CKLF: variants seen among roughly 807,000 people sequenced by gnomAD.
CKLF encodes the protein chemokine like factor.
A neutral mutation model predicts 12.9 loss-of-function variants in CKLF; 16 were observed. That is an observed-to-expected ratio of 1.24 (90% CI 0.84 to 1.88). The LOEUF (loss-of-function observed/expected upper bound fraction) is 1.88. Ranked by LOEUF, CKLF falls within the 40% of genes most tolerant of loss-of-function variation. CKLF has a pLI of 0.00. For synonymous variants in CKLF, 61 were observed against 69.0 expected (o/e 0.88, Z 0.57); for missense variants, 172 against 188.5 (o/e 0.91, Z 0.51).
In CKLF at chr16:66,558,217, T is replaced by C. The variant is rs747643263; in HGVS notation, c.106T>C (p.Phe36Leu). 3 of 1,612,488 alleles carry C rather than the reference T, an allele frequency of 1.9e-6. No individual in the cohort carries two copies. The highest frequency in any genetic ancestry group is 2.2e-5 in the East Asian group (1 of 44,886). ...LALTVTSMTF[F>L]IIAQAPEPYI... ...ACTAACTGTGACATCTATGACCTTT[T>C]TTATCATCGCACAAGCCCCTGAACC... The change falls in exon 2 of 4, where the codon TTT (phenylalanine) becomes CTT (leucine). Residue 36 changes from phenylalanine (F) to leucine (L), a missense_variant. Phe to Leu is a conservative substitution (Grantham distance 22). Transcript: ENST00000264001.
chr16:66,563,623 C>T (rs1042598806), intron 3 of CKLF, among the ~76,000 whole-genome samples: 1 of 152,150 alleles, frequency 6.6e-6, no homozygotes, highest in Non-Finnish European at 1.5e-5. Context: ...ATGAGACAGA[C>T]TGTTTTGAGC....
chr16:66,558,897 C>CAT (rs745368547), intron 2 of CKLF, among the ~76,000 whole-genome samples: 38 of 152,204 alleles, frequency 2.5e-4, no homozygotes, highest in Non-Finnish European at 4.1e-4. Context: ...CTGCCATACT[C>CAT]ATATAATTAG....
intron 1 of CKLF, 25 bp downstream of exon 1, chr16:66,552,818 G>A: frequency 6.2e-7 from 1 of 1,613,824 alleles, no homozygotes; most frequent in Non-Finnish European, 8.5e-7. Flanking sequence ...CGGAGGGCGG[G>A]AGGCTGATGA....
chr16:66,554,582 C>T (rs930996044), intron 1 of CKLF, among the ~76,000 whole-genome samples: 1 of 152,192 alleles, frequency 6.6e-6, no homozygotes, highest in Non-Finnish European at 1.5e-5. Flanking sequence ...GCAGGGGAAG[C>T]AAACACAATA....
chr16:66,552,659 C>G lies in CKLF; in HGVS notation c.-57C>G. 1.2e-6 allele frequency: 2 copies of G among 1,613,086 alleles called. No homozygotes were observed. Among genetic ancestry groups the G allele is most frequent in the South Asian group, 1.1e-5 (1 of 91,054 alleles). ...TTGCTATCGCTTCGCAGAACCTACT[C>G]AGGCAGCCAGCTGAGAAGAGTTGAG... On this transcript the variant is annotated 5_prime_UTR_variant, in exon 1 of 4. Coordinates refer to ENST00000264001, the MANE Select transcript of CKLF (RefSeq NM_016951.4).
Position 66,558,337 on chromosome 16 carries a change from T to C in CKLF, c.226T>C (p.Trp76Arg). The C allele has an allele frequency of 6.2e-7, 1 of 1,604,742 alleles. No homozygotes were observed. The part of the protein sequence containing the change: ...RLDRLMKWLF[W>R]PLLDIINSLV... Reference sequence around the variant, plus strand: ...TGATCGATTAATGAAGTGGTTATTTTGGCCTTTGCTTGTAAGTGTTCAGTT... The same window carrying C: ...TGATCGATTAATGAAGTGGTTATTTCGGCCTTTGCTTGTAAGTGTTCAGTT... Residue 76 changes from tryptophan to arginine, a missense_variant, in exon 2 of 4, where the codon TGG becomes CGG. Physicochemically the swap from Trp to Arg is moderately radical, Grantham distance 101. Transcript: ENST00000264001.
chr16:66,560,798 T>TACACACACACAC (rs58084691), intron 2 of CKLF, among the ~76,000 whole-genome samples: 114 of 143,758 alleles, frequency 7.9e-4, no homozygotes, highest in African/African-American at 2.0e-3. Context: ...AAGATAAGTA[T>TACACACACACAC]ACACACACAC....
In CKLF at chr16:66,558,301, G is replaced by A. The variant is rs2144533162; in HGVS notation, c.190G>A (p.Val64Ile). ...TVILFFILLY[V>I]LRLDRLMKWL... ...TATCTTATTTTTCATACTTTTATATGTACTCAGACTTGATCGATTAATGAA... is the reference window on the plus strand; with the variant it reads ...TATCTTATTTTTCATACTTTTATATATACTCAGACTTGATCGATTAATGAA... The change falls in exon 2 of 4, where the codon GTA (valine) becomes ATA (isoleucine). Residue 64 changes from valine to isoleucine, a missense_variant. By Grantham distance (29) the Val-to-Ile change is conservative. Coordinates refer to ENST00000264001, the MANE Select transcript of CKLF (RefSeq NM_016951.4). The A allele has an allele frequency of 6.2e-7, 1 of 1,613,476 alleles. No homozygotes were observed. The highest frequency in any genetic ancestry group is 2.2e-5 in the East Asian group (1 of 44,854).
chr16:66,558,835 A>G (rs751273719), intron 2 of CKLF, among the ~76,000 whole-genome samples: 24 of 152,208 alleles, frequency 1.6e-4, no homozygotes, highest in Non-Finnish European at 2.9e-4. Flanking sequence ...ATCTGTAGTT[A>G]TTACTAAATA....
At chr16:66,553,309 A>C in intron 1 of CKLF, 1 of 150,062 alleles carries the variant, frequency 6.7e-6, no homozygotes, top group South Asian at 2.1e-4. Context: ...ATTTGAAAGA[A>C]AAAAAAAAAA....
rs1453679624 is a variant in CKLF, at chr16:66,552,585, C to G, written c.-131C>G. 1.0e-5 allele frequency: 15 copies of G among 1,438,276 alleles called. No individual in the cohort carries two copies. Among genetic ancestry groups the G allele is most frequent in the Non-Finnish European group, 1.3e-5 (14 of 1,043,608 alleles). 89.1% of individuals were successfully genotyped at this position (1,438,276 alleles called of 1,614,324 possible). A position where few individuals can be genotyped will look rare whatever the true frequency, so the allele number is the denominator to read the frequency against. On this transcript the variant is annotated 5_prime_UTR_variant, in exon 1 of 4. Transcript: ENST00000264001. ...CGCATGCGCGCAAGAGAGCGGGAAG[C>G]CGAGCTGGGCGAGAAGTAGGGGAGG...
intron 2 of CKLF, among the ~76,000 whole-genome samples, chr16:66,561,923 A>C (rs2011750864): frequency 6.6e-6 from 1 of 152,186 alleles, no homozygotes; most frequent in Admixed American, 6.5e-5. Context: ...TTGACATCAC[A>C]GTTAAGAATG....
At chr16:66,563,003 A>T in intron 2 of CKLF, 119 bp from the exon 3 acceptor site, 1 of 1,091,202 alleles carries the variant, frequency 9.2e-7, no homozygotes, top group Non-Finnish European at 1.4e-6. Context: ...GGCGGGAGCC[A>T]GTGCATTCTG....
At chr16:66,559,873 AATT>A (rs2011602442) in intron 2 of CKLF, among the ~76,000 whole-genome samples, 1 of 152,202 alleles carries the variant, frequency 6.6e-6, no homozygotes, top group East Asian at 1.9e-4. Flanking sequence ...GATCTAATGA[AATT>A]ATTTATTCAG....
rs186389046 is a variant in CKLF at position 66,555,284 on chromosome 16, A to G, written c.78+2491A>G. On this transcript the variant is annotated intron_variant, in intron 1 of 3. Transcript: ENST00000264001. ...GCTGCTATGTTAACAGTAGATTGGT[A>G]GGGAAGGACAGAAGGGGATTGCTGC... Among the ~76,000 whole-genome samples, 1,375 of 152,318 alleles carry G rather than the reference A, an allele frequency of 9.0e-3. 8 individuals are homozygous for G. Among genetic ancestry groups the G allele is most frequent in the Non-Finnish European group, 0.014 (927 of 68,022 alleles).
chr16:66,559,887 C>T (rs2144539467), intron 2 of CKLF, among the ~76,000 whole-genome samples: 1 of 152,262 alleles, frequency 6.6e-6, no homozygotes, highest in East Asian at 1.9e-4. Context: ...ATTTATTCAG[C>T]AAATGTTAAG....
chr16:66,555,118 T>C (rs1390476044), intron 1 of CKLF, among the ~76,000 whole-genome samples: 1 of 152,062 alleles, frequency 6.6e-6, no homozygotes, highest in Non-Finnish European at 1.5e-5. Flanking sequence ...ATGCCTGTAA[T>C]CTCAGCTACT....
intron 1 of CKLF, among the ~76,000 whole-genome samples, chr16:66,553,902 T>C (rs906122766): frequency 6.6e-6 from 1 of 152,192 alleles, no homozygotes; most frequent in Non-Finnish European, 1.5e-5. Flanking sequence ...TTGTGAGAAG[T>C]AGCTTTCATA....
chr16:66,563,055 T>G, intron 2 of CKLF, 67 bp from the exon 3 acceptor site: 1 of 1,594,158 alleles, frequency 6.3e-7, no homozygotes, highest in Non-Finnish European at 8.6e-7. Context: ...TTTTTGTTTT[T>G]TGTTTTTCCT....
Sources: allele counts gnomAD v4.1 joint callset (sites outside exome capture counted in the v4.1 genomes callset), GRCh38; gene constraint gnomAD v4.1.1; transcripts MANE v1.5; gene names NCBI Gene and HGNC (gene_info 2026-07-23, HGNC 2026-07-21).